PYGB: variants seen among roughly 807,000 people sequenced by gnomAD.
PYGB encodes glycogen phosphorylase B, also known as glycogen phosphorylase, brain form.
A neutral mutation model predicts 94.3 loss-of-function variants in PYGB; 82 were observed. The observed-to-expected ratio is 0.87, with a 90% CI of 0.73 to 1.04. The LOEUF is 1.04. Among genes scored for constraint, PYGB ranks in the 50% least tolerant of loss-of-function variants. The pLI, the probability that PYGB is intolerant of heterozygous loss-of-function variation, is 0.00. For missense variants in PYGB, 1,132 were observed against 1,158.2 expected (o/e 0.98, Z 0.33); for synonymous variants, 488 against 479.1 (o/e 1.02, Z -0.24).
At chr20:25,278,961 G>A (rs1199642229) in intron 8 of PYGB, 96 bp from the exon 9 acceptor site, 1 of 1,208,240 alleles carries the variant, frequency 8.3e-7, no homozygotes, top group African/African-American at 1.5e-5. Context: ...GGGTGGGCTG[G>A]GCTGGCTCCT....
At position 25,282,093 on chromosome 20, in the gene PYGB, C is replaced by A. The variant is rs770919887; in HGVS notation, c.1464C>A (p.Thr488=). ...TCCAGAATAAGACCAATGGCATCACCCCCCGCCGGTGGCTGCTGCTGTGCA... is the reference window on the plus strand; with the variant it reads ...TCCAGAATAAGACCAATGGCATCACACCCCGCCGGTGGCTGCTGCTGTGCA... The part of the protein sequence containing the change: ...EKFQNKTNGI[T]PRRWLLLCNP... Residue 488 remains threonine (T), a synonymous_variant, in exon 12 of 20, where the codon ACC becomes ACA. Coordinates refer to ENST00000216962, the MANE Select transcript of PYGB (RefSeq NM_002862.4). The A allele has an allele frequency of 1.1e-5, 17 of 1,613,908 alleles. No homozygotes were observed. The South Asian group carries it at 1.8e-4, about 17-fold the overall frequency.
chr20:25,295,104 C>G, intron 18 of PYGB: 2 of 1,430,932 alleles, frequency 1.4e-6, no homozygotes, highest in Non-Finnish European at 2.0e-6. Context: ...CGATAGTGAA[C>G]AGAAATGCAT....
intron 14 of PYGB, 55 bp downstream of exon 14, chr20:25,284,306 G>A: frequency 6.3e-7 from 1 of 1,582,740 alleles, no homozygotes; most frequent in Non-Finnish European, 8.6e-7. Flanking sequence ...GCTTGCCCTT[G>A]CCCGCCAGCT....
chr20:25,278,361 G>T lies in PYGB; in HGVS notation c.898G>T (p.Val300Leu). 6.2e-7 allele frequency: 1 copy of T among 1,611,122 alleles called. No individual in the cohort carries two copies. Among genetic ancestry groups the T allele is most frequent in the East Asian group, 2.2e-5 (1 of 44,620 alleles). Residue 300 changes from valine (V) to leucine (L), a missense_variant, in exon 8 of 20, where the codon GTG (valine) becomes TTG (leucine). By Grantham distance (32) the Val-to-Leu change is conservative (BLOSUM62 1). Coordinates refer to ENST00000216962, the MANE Select transcript of PYGB (RefSeq NM_002862.4). The stretch of plus-strand genomic sequence containing the variant: ...GCTGCGGCTGAAGCAGGAGTACTTC[G>T]TGGTGGCCGCCACGCTCCAGGACAT... Reference protein sequence around the residue: ...KELRLKQEYFVVAATLQDIIR... With the variant: ...KELRLKQEYFLVAATLQDIIR...
intron 2 of PYGB, among the ~76,000 whole-genome samples, chr20:25,268,170 C>CG (rs1275526788): frequency 1.7e-5 from 2 of 119,976 alleles, no homozygotes; most frequent in Admixed American, 1.8e-4. Flanking sequence ...CGCCCCCCCC[C>CG]CATATCCAAA....
intron 2 of PYGB, among the ~76,000 whole-genome samples, chr20:25,260,698 G>C (rs1178182533): frequency 6.6e-6 from 1 of 152,220 alleles, no homozygotes; most frequent in Non-Finnish European, 1.5e-5. Context: ...CACCCGGGAA[G>C]CACAAGGGAT....
intron 12 of PYGB, 141 bp downstream of exon 12, chr20:25,282,288 GGC>G (rs2088375411): frequency 1.8e-5 from 13 of 702,828 alleles, no homozygotes; most frequent in Non-Finnish European, 3.0e-5. Flanking sequence ...TGGACATGAG[GGC>G]TGAGCCCCTG....
At position 25,274,780 on chromosome 20, in the gene PYGB, G is replaced by A. The variant is rs542640478; in HGVS notation, c.660+57G>A. 3.2e-5 allele frequency: 50 copies of A among 1,583,710 alleles called. No individual in the cohort carries two copies. In the East Asian group the frequency reaches 6.9e-4, roughly 22 times the overall value. On this transcript the variant is annotated intron_variant, in intron 5 of 19. Transcript: ENST00000216962. ...TGGAGCCAGGTGAGGGGGCTGCTGC[G>A]GCTCATTTGTAGACAGCTCAGCTTC...
Position 25,276,518 on chromosome 20 carries a change from G to A in PYGB, c.661-128G>A, listed in dbSNP as rs1344678863. On this transcript the variant is annotated intron_variant, in intron 5 of 19. Transcript: ENST00000216962. Reference sequence around the variant, plus strand: ...GCATGGGCTGGGTGGATGTGTTTGGGCAGAAGGGGGAGACGGTGGGGGGCC... The same window carrying A: ...GCATGGGCTGGGTGGATGTGTTTGGACAGAAGGGGGAGACGGTGGGGGGCC... 7.1e-6 allele frequency: 5 copies of A among 707,550 alleles called. No homozygotes were observed. The Admixed American group carries it at 1.1e-4, about 16-fold the overall frequency. The allele number at this position is 707,550 out of a possible 1,614,324, so 43.8% of individuals were successfully genotyped here. A position where few individuals can be genotyped will look rare whatever the true frequency, so the allele number is the denominator to read the frequency against.
At chr20:25,282,413 C>T (rs555836466) in intron 12 of PYGB, among the ~76,000 whole-genome samples, 1 of 152,354 alleles carries the variant, frequency 6.6e-6, no homozygotes, top group South Asian at 2.1e-4. Flanking sequence ...GCCACGGGGC[C>T]ACTGCAAAAG....
intron 12 of PYGB, 99 bp downstream of exon 12, chr20:25,282,246 G>T: frequency 1.0e-6 from 1 of 984,098 alleles, no homozygotes; most frequent in East Asian, 2.6e-5. Context: ...GTAGGCAGGA[G>T]TCTGTCCCTC....
chr20:25,278,963 C>A, intron 8 of PYGB, 94 bp from the exon 9 acceptor site: 3 of 1,254,886 alleles, frequency 2.4e-6, no homozygotes, highest in Non-Finnish European at 3.3e-6. Context: ...GTGGGCTGGG[C>A]TGGCTCCTTC....
intron 2 of PYGB, among the ~76,000 whole-genome samples, chr20:25,260,114 A>G (rs1193521375): frequency 1.3e-5 from 2 of 152,176 alleles, no homozygotes; most frequent in Non-Finnish European, 2.9e-5. Context: ...CTCCCCCTGC[A>G]GGACCTCATA....
At chr20:25,269,950 C>T (rs2088251371) in intron 3 of PYGB, among the ~76,000 whole-genome samples, 1 of 152,112 alleles carries the variant, frequency 6.6e-6, no homozygotes, top group African/African-American at 2.4e-5. Context: ...ATGAGTAGAG[C>T]CTTTGCCTTC....
chr20:25,285,919 C>CTT (rs2088414186), intron 14 of PYGB, among the ~76,000 whole-genome samples: 1 of 152,214 alleles, frequency 6.6e-6, no homozygotes, highest in Non-Finnish European at 1.5e-5. Context: ...AACAACCTTC[C>CTT]CGAGTTCTTG....
intron 4 of PYGB, among the ~76,000 whole-genome samples, chr20:25,274,310 A>C (rs934041840): frequency 2.0e-5 from 3 of 152,140 alleles, no homozygotes; most frequent in Non-Finnish European, 4.4e-5. Flanking sequence ...AGGTTTTTCA[A>C]GCTCCATCCA....
chr20:25,288,970 G>A (rs1197476907), intron 15 of PYGB, among the ~76,000 whole-genome samples: 1 of 152,226 alleles, frequency 6.6e-6, no homozygotes, highest in Non-Finnish European at 1.5e-5. Flanking sequence ...TTCCCTAGTA[G>A]CTTGGTCTTT....
At position 25,292,555 on chromosome 20, in the gene PYGB, G is replaced by A. The variant is rs201190363; in HGVS notation, c.2119G>A (p.Glu707Lys). 2.9e-5 allele frequency: 47 copies of A among 1,613,312 alleles called. No individual in the cohort carries two copies. The highest frequency in any genetic ancestry group is 1.5e-4 in the Admixed American group (9 of 60,036). The change falls in exon 17 of 20, where the codon GAG (glutamate) becomes AAG (lysine). Residue 707 changes from glutamate to lysine, a missense_variant. Coordinates refer to ENST00000216962, the MANE Select transcript of PYGB (RefSeq NM_002862.4). Reference protein sequence around the residue: ...NVEMAEEAGAENLFIFGLRVE... With the variant: ...NVEMAEEAGAKNLFIFGLRVE... ...GGAGATGGCCGAGGAGGCCGGGGCCGAGAACCTCTTCATCTTCGGCCTGCG... is the reference window on the plus strand; with the variant it reads ...GGAGATGGCCGAGGAGGCCGGGGCCAAGAACCTCTTCATCTTCGGCCTGCG...
At chr20:25,267,383 T>C (rs2088227383) in intron 2 of PYGB, among the ~76,000 whole-genome samples, 1 of 152,228 alleles carries the variant, frequency 6.6e-6, no homozygotes, top group Admixed American at 6.5e-5. Context: ...TCTGTGAACA[T>C]ACACTTCTAA....
Sources: allele counts gnomAD v4.1 joint callset (sites outside exome capture counted in the v4.1 genomes callset), GRCh38; gene constraint gnomAD v4.1.1; transcripts MANE v1.5; gene names NCBI Gene and HGNC (gene_info 2026-07-23, HGNC 2026-07-21).